PDE8A: variants seen among roughly 807,000 people sequenced by gnomAD.
The protein encoded by PDE8A is high affinity cAMP-specific and IBMX-insensitive 3',5'-cyclic phosphodiesterase 8A.
In PDE8A, 59 loss-of-function variants were observed where a neutral mutation model predicts 105.0. The observed-to-expected ratio is 0.56, with a 90% CI of 0.46 to 0.70. The LOEUF is 0.70. Ranked by LOEUF, PDE8A falls within the 30% of genes least tolerant of loss-of-function variation. PDE8A has a pLI of 0.00. For missense variants in PDE8A, 1,014 were observed against 1,045.9 expected (o/e 0.97, Z 0.42); for synonymous variants, 355 against 371.9 (o/e 0.95, Z 0.52).
At chr15:85,010,883 C>CT (rs2080228388) in intron 1 of PDE8A, among the ~76,000 whole-genome samples, 1 of 58,876 alleles carries the variant, frequency 1.7e-5, no homozygotes, top group East Asian at 3.3e-4. Context: ...TTCTGTGTTT[C>CT]CCCCAGTCGT....
chr15:85,120,148 A>AC (rs1401107325), intron 17 of PDE8A: 1 of 151,826 alleles, frequency 6.6e-6, no homozygotes, highest in African/African-American at 2.4e-5. Flanking sequence ...AACAAAAAAA[A>AC]AAAACAAAAG....
chr15:85,035,158 T>TG (rs1384578986), intron 1 of PDE8A, among the ~76,000 whole-genome samples: 1 of 150,556 alleles, frequency 6.6e-6, no homozygotes, highest in Non-Finnish European at 1.5e-5. Context: ...TCAGAAGCTT[T>TG]GGGGTCAGCA....
chr15:84,993,874 T>TGA (rs1436070807), intron 1 of PDE8A, among the ~76,000 whole-genome samples: 13 of 152,136 alleles, frequency 8.5e-5, no homozygotes, highest in Admixed American at 2.0e-4. Context: ...GGTGACAGAG[T>TGA]GAGACCCTGT....
At chr15:85,012,930 T>G (rs184701917) in intron 1 of PDE8A, among the ~76,000 whole-genome samples, 1 of 151,774 alleles carries the variant, frequency 6.6e-6, no homozygotes, top group Non-Finnish European at 1.5e-5. Context: ...AACAAAAGAG[T>G]GGGAGTGGGA....
chr15:85,104,050 C>T (rs1445124239), intron 11 of PDE8A, among the ~76,000 whole-genome samples: 3 of 152,204 alleles, frequency 2.0e-5, no homozygotes, highest in Non-Finnish European at 2.9e-5. Flanking sequence ...TACATGCTCC[C>T]TTTTCCCTGG....
intron 1 of PDE8A, among the ~76,000 whole-genome samples, chr15:84,993,257 C>T (rs778169330): frequency 1.3e-5 from 2 of 151,364 alleles, no homozygotes; most frequent in Non-Finnish European, 2.9e-5. Flanking sequence ...TCCTGGCTAA[C>T]ACGGTGAAAC....
intron 15 of PDE8A, 86 bp downstream of exon 15, chr15:85,115,573 T>TAA (rs2082083095): frequency 1.4e-6 from 1 of 690,728 alleles, no homozygotes; most frequent in Non-Finnish European, 2.4e-6. Context: ...TTCACCTCAT[T>TAA]AAGAAGTTTC....
intron 1 of PDE8A, among the ~76,000 whole-genome samples, chr15:84,995,612 C>T (rs1208533102): frequency 6.6e-6 from 1 of 152,196 alleles, no homozygotes; most frequent in African/African-American, 2.4e-5. Flanking sequence ...TGAGCTACCA[C>T]GCCCAGTGTA....
chr15:85,056,590 CTTGATCAAATTGGCTA>C (rs2081063569), intron 1 of PDE8A, among the ~76,000 whole-genome samples: 1 of 152,160 alleles, frequency 6.6e-6, no homozygotes. Flanking sequence ...CCTTCTTCCA[CTTGATCAAATTGGCTA>C]CTGAAGCTTG....
chr15:85,081,826 C>T (rs1037530047), intron 5 of PDE8A, among the ~76,000 whole-genome samples: 5 of 152,020 alleles, frequency 3.3e-5, no homozygotes, highest in African/African-American at 1.2e-4. Context: ...TTTTTTTTAC[C>T]TTGATTTCTG....
chr15:84,993,253 C>G (rs1014066903), intron 1 of PDE8A, among the ~76,000 whole-genome samples: 6 of 151,416 alleles, frequency 4.0e-5, no homozygotes, highest in African/African-American at 9.7e-5. Flanking sequence ...ACCATCCTGG[C>G]TAACACGGTG....
chr15:84,992,005 G>A (rs958249512), intron 1 of PDE8A, among the ~76,000 whole-genome samples: 6 of 152,190 alleles, frequency 3.9e-5, no homozygotes, highest in Non-Finnish European at 8.8e-5. Context: ...AAGATTAATA[G>A]CTAAACAATA....
In PDE8A at chr15:85,128,124, A is replaced by C. The variant is rs529152598; in HGVS notation, c.2253+1750A>C. 4.6e-5 allele frequency among the ~76,000 whole-genome samples: 7 copies of C among 152,118 alleles called. No individual in the cohort carries two copies. The East Asian group carries it at 1.3e-3, about 29-fold the overall frequency. ...TAGAGAAATTCATAGACCTACATAC[A>C]ACAGCTAAAACCATAAAGCTTTTAG... On this transcript the variant is annotated intron_variant, in intron 20 of 21. Transcript: ENST00000394553.
chr15:84,985,331 C>CTT (rs2079785251), intron 1 of PDE8A, among the ~76,000 whole-genome samples: 1 of 152,218 alleles, frequency 6.6e-6, no homozygotes, highest in Non-Finnish European at 1.5e-5. Context: ...AAAATACCCT[C>CTT]TGTCTGTTTA....
intron 1 of PDE8A, among the ~76,000 whole-genome samples, chr15:85,015,539 A>G (rs34493704): frequency 0.13 from 19,404 of 152,130 alleles, 1,638 homozygotes; most frequent in Middle Eastern, 0.24. Flanking sequence ...TCCCTCTATA[A>G]GGGTTGTACC....
intron 6 of PDE8A, among the ~76,000 whole-genome samples, chr15:85,085,397 A>G (rs2081535081): frequency 6.6e-6 from 1 of 152,244 alleles, no homozygotes; most frequent in Non-Finnish European, 1.5e-5. Context: ...TTGGTAAACT[A>G]GAATATAAAA....
At chr15:85,126,121 TA>T in intron 19 of PDE8A, 85 bp from the exon 20 acceptor site, 1 of 903,378 alleles carries the variant, frequency 1.1e-6, no homozygotes, top group Non-Finnish European at 1.7e-6. Context: ...GTGCTCTTTT[TA>T]TGCTTACAGT....
chr15:85,049,502 G>C (rs2080939288), intron 1 of PDE8A, among the ~76,000 whole-genome samples: 1 of 152,176 alleles, frequency 6.6e-6, no homozygotes, highest in African/African-American at 2.4e-5. Context: ...CAGTTCATCT[G>C]TTCCATAGCA....
chr15:85,040,392 AAAAG>A (rs1192002492), intron 1 of PDE8A, among the ~76,000 whole-genome samples: 4 of 148,890 alleles, frequency 2.7e-5, no homozygotes, highest in East Asian at 2.0e-4. Flanking sequence ...AAAAAAAAAG[AAAAG>A]AAAAGAAAAA....
Sources: gnomAD v4.1 joint callset for allele counts (sites outside exome capture counted in the v4.1 genomes callset) on GRCh38, gnomAD v4.1.1 for gene constraint, MANE v1.5 for transcripts, NCBI Gene and HGNC (gene_info 2026-07-23, HGNC 2026-07-21) for gene names.